Variants in IGFL2 observed in about 807,000 individuals in gnomAD.
The protein encoded by IGFL2 is insulin growth factor-like family member 2.
A neutral mutation model predicts 13.9 loss-of-function variants in IGFL2; 7 were observed. The observed-to-expected ratio is 0.51, with a 90% CI of 0.29 to 0.95. The LOEUF is 0.95. Ranked by LOEUF, IGFL2 falls within the 40% of genes least tolerant of loss-of-function variation. IGFL2 has a pLI of 0.08. For missense variants in IGFL2, 138 were observed against 147.8 expected (o/e 0.93, Z 0.34); for synonymous variants, 55 against 55.8 (o/e 0.99, Z 0.07).
At chr19:46,102,813 C>T in the IGFL2 span, among the ~76,000 whole-genome samples, 11 of 151,948 alleles carry the variant, frequency 7.2e-5, no homozygotes, top group East Asian at 5.8e-4. Flanking sequence ...AGTGTTGGGG[C>T]GGCAAAATAT....
At chr19:46,102,023 A>G in the IGFL2 span, among the ~76,000 whole-genome samples, 5 of 152,240 alleles carry the variant, frequency 3.3e-5, no homozygotes, top group Non-Finnish European at 7.3e-5. Flanking sequence ...ACCTGATAAC[A>G]TTATCTAAGT....
the IGFL2 span, chr19:46,100,994 T>TC: frequency 6.6e-6 from 1 of 152,360 alleles, no homozygotes; most frequent in Non-Finnish European, 1.5e-5. Flanking sequence ...TGCTGCAGTT[T>TC]GCTGAGGGTT....
At chr19:46,196,660 A>C in the IGFL2 span, among the ~76,000 whole-genome samples, 1 of 152,302 alleles carries the variant, frequency 6.6e-6, no homozygotes, top group East Asian at 1.9e-4. Flanking sequence ...TTCTTCTGAG[A>C]GTCCTGCCTG....
the IGFL2 span, among the ~76,000 whole-genome samples, chr19:46,171,106 A>G: frequency 1.1e-4 from 17 of 152,104 alleles, no homozygotes; most frequent in African/African-American, 3.6e-4. Context: ...TTTATGGCTC[A>G]GGGGGCATCA....
At chr19:46,093,997 A>T in the IGFL2 span, among the ~76,000 whole-genome samples, 52 of 149,448 alleles carry the variant, frequency 3.5e-4, no homozygotes, top group Non-Finnish European at 6.8e-4. Context: ...CTTCACCTTG[A>T]TATGTACATT....
At chr19:46,168,959 T>G in the IGFL2 span, among the ~76,000 whole-genome samples, 1 of 151,944 alleles carries the variant, frequency 6.6e-6, no homozygotes, top group African/African-American at 2.4e-5. Context: ...TGTACCTTTT[T>G]TCTCCACTAA....
the IGFL2 span, among the ~76,000 whole-genome samples, chr19:46,090,273 G>A: frequency 0.013 from 2,051 of 152,144 alleles, 32 homozygotes; most frequent in Middle Eastern, 0.027. Context: ...TCTTTGAATT[G>A]TTTCTCTGTA....
chr19:46,124,465 G>C, the IGFL2 span: 1 of 1,150,966 alleles, frequency 8.7e-7, no homozygotes. Context: ...ATCCCGTTCA[G>C]GCAGGCCCTG....
chr19:46,156,479 A>T (rs912680871), intron 1 of IGFL2, among the ~76,000 whole-genome samples: 1 of 152,226 alleles, frequency 6.6e-6, no homozygotes, highest in Non-Finnish European at 1.5e-5. Flanking sequence ...CCATAATTTG[A>T]TCAAGCTAAT....
At chr19:46,182,015 T>C in the IGFL2 span, among the ~76,000 whole-genome samples, 2 of 152,178 alleles carry the variant, frequency 1.3e-5, no homozygotes, top group African/African-American at 2.4e-5. Context: ...CCCTGAACTT[T>C]TGTGTGCATA....
At chr19:46,088,286 C>G in the IGFL2 span, among the ~76,000 whole-genome samples, 4 of 152,174 alleles carry the variant, frequency 2.6e-5, no homozygotes, top group African/African-American at 9.7e-5. Context: ...GTGTTAAAGT[C>G]TTTCCTTTAT....
chr19:46,096,445 A>T, the IGFL2 span, among the ~76,000 whole-genome samples: 2,013 of 152,206 alleles, frequency 0.013, 29 homozygotes, highest in Middle Eastern at 0.027. Flanking sequence ...TTTTCTAGTT[A>T]TAGGATCATG....
the IGFL2 span, among the ~76,000 whole-genome samples, chr19:46,080,366 G>A: frequency 3.3e-5 from 5 of 151,832 alleles, no homozygotes; most frequent in African/African-American, 1.2e-4. Context: ...AGTCAACTTA[G>A]GGAGATCCCA....
chr19:46,137,162 A>G, the IGFL2 span: 6 of 1,608,982 alleles, frequency 3.7e-6, no homozygotes, highest in South Asian at 1.1e-5. Context: ...TAGAGCTGGC[A>G]TGAAGTTTTT....
At chr19:46,139,225 C>G (rs1972743968), upstream of IGFL2, among the ~76,000 whole-genome samples, 1 of 151,494 alleles carries the variant, frequency 6.6e-6, no homozygotes, top group South Asian at 2.1e-4. Flanking sequence ...TCAATGCCTT[C>G]CTTTCGAAGA....
At chr19:46,103,113 G>A in the IGFL2 span, among the ~76,000 whole-genome samples, 4 of 152,206 alleles carry the variant, frequency 2.6e-5, no homozygotes, top group Admixed American at 2.6e-4. Flanking sequence ...CATCCAATTA[G>A]AGAGTGCCCA....
chr19:46,113,583 A>C, the IGFL2 span: 1 of 285,796 alleles, frequency 3.5e-6, no homozygotes. Context: ...ATAAGATGGG[A>C]TAAAGCTTGA....
At chr19:46,140,497 G>A (rs575845570), upstream of IGFL2, among the ~76,000 whole-genome samples, 1 of 152,264 alleles carries the variant, frequency 6.6e-6, no homozygotes, top group South Asian at 2.1e-4. Flanking sequence ...AGGCAACATA[G>A]CGAGACCTCA....
At chr19:46,101,844 A>G in the IGFL2 span, among the ~76,000 whole-genome samples, 149 of 152,368 alleles carry the variant, frequency 9.8e-4, 1 homozygote, top group African/African-American at 3.5e-3. Flanking sequence ...CCTGATTCAC[A>G]GGTTGCACAT....
Sources: allele counts gnomAD v4.1 joint callset (sites outside exome capture counted in the v4.1 genomes callset), GRCh38; gene constraint gnomAD v4.1.1; transcripts MANE v1.5; gene names NCBI Gene and HGNC (gene_info 2026-07-23, HGNC 2026-07-21).